Variants in DPP10 observed in about 807,000 individuals in gnomAD.
DPP10 encodes inactive dipeptidyl peptidase 10.
DPP10 carries 33 observed loss-of-function variants against 120.9 expected under a neutral mutation model. The observed-to-expected ratio is 0.27, with a 90% CI of 0.21 to 0.37. The LOEUF is 0.37. DPP10 is among the 10% of genes least tolerant of loss of function. The pLI, the probability that DPP10 is intolerant of heterozygous loss-of-function variation, is 1.00. For synonymous variants in DPP10, 337 were observed against 326.1 expected (o/e 1.03, Z -0.36); for missense variants, 816 against 942.8 (o/e 0.87, Z 1.76).
intron 4 of DPP10, among the ~76,000 whole-genome samples, chr2:115,525,525 AC>A (rs2078076492): frequency 6.6e-6 from 1 of 152,082 alleles, no homozygotes; most frequent in Non-Finnish European, 1.5e-5. Context: ...ATTATGACAA[AC>A]AGAATGTCAA....
intron 1 of DPP10, among the ~76,000 whole-genome samples, chr2:114,609,181 A>G (rs1288424573): frequency 6.6e-6 from 1 of 152,190 alleles, no homozygotes; most frequent in Non-Finnish European, 1.5e-5. Context: ...AAGCAGCAAG[A>G]GCCACAATGA....
At chr2:115,144,783 T>C (rs1168085999) in intron 1 of DPP10, 3 of 151,670 alleles carry the variant, frequency 2.0e-5, no homozygotes, top group Non-Finnish European at 2.9e-5. Flanking sequence ...ACCTGCACAT[T>C]GTGCACATGT....
chr2:115,722,836 T>G (rs555917644), intron 7 of DPP10, among the ~76,000 whole-genome samples: 1 of 152,150 alleles, frequency 6.6e-6, no homozygotes. Context: ...ATTACTCTAG[T>G]GGTCCAGATA....
intron 1 of DPP10, among the ~76,000 whole-genome samples, chr2:115,295,155 A>G (rs934722899): frequency 6.6e-6 from 1 of 152,054 alleles, no homozygotes; most frequent in Non-Finnish European, 1.5e-5. Flanking sequence ...TGGCTGCTCT[A>G]TTCACAAAGA....
chr2:115,518,798 G>C (rs1029392861), intron 4 of DPP10, among the ~76,000 whole-genome samples: 1 of 152,036 alleles, frequency 6.6e-6, no homozygotes, highest in Non-Finnish European at 1.5e-5. Context: ...ATTGTATAAG[G>C]CCATGGTGAG....
intron 5 of DPP10, among the ~76,000 whole-genome samples, chr2:115,630,277 G>T (rs1158120166): frequency 6.6e-6 from 1 of 152,126 alleles, no homozygotes; most frequent in Admixed American, 6.6e-5. Flanking sequence ...CTTTGGTGAA[G>T]TTGCTTATGA....
Position 115,349,483 on chromosome 2 carries a change from T to C in DPP10, c.271+5571T>C, listed in dbSNP as rs143041565. ...AAAAAGAAAAGAAAAAAACTATAAA[T>C]GAAAAGTCAAGGTCTGTAGCCTTGT... On this transcript the variant is annotated intron_variant, in intron 3 of 25. Transcript: ENST00000410059. 1.7e-3 allele frequency among the ~76,000 whole-genome samples: 258 copies of C among 152,158 alleles called. 2 individuals are homozygous for C. The highest frequency in any genetic ancestry group is 6.0e-3 in the African/African-American group (248 of 41,526).
intron 1 of DPP10, among the ~76,000 whole-genome samples, chr2:115,281,227 T>G (rs994106421): frequency 6.6e-6 from 1 of 152,178 alleles, no homozygotes; most frequent in Non-Finnish European, 1.5e-5. Flanking sequence ...TGATTTTATT[T>G]CAGAACTTGG....
rs967632127 is a variant in DPP10 at position 115,683,356 on chromosome 2, C to T, written c.442-6331C>T. On this transcript the variant is annotated intron_variant, in intron 5 of 25. Coordinates refer to ENST00000410059, the MANE Select transcript of DPP10 (RefSeq NM_020868.6). ...GGATTAGGATGGAAGAAGGGATGAACTCGTGGAACACACAGAATTTTGGGG... is the reference window on the plus strand; with the variant it reads ...GGATTAGGATGGAAGAAGGGATGAATTCGTGGAACACACAGAATTTTGGGG... Among the ~76,000 whole-genome samples, 11 of 151,884 alleles carry T rather than the reference C, an allele frequency of 7.2e-5. 1 individual carries two copies. Among genetic ancestry groups the T allele is most frequent in the East Asian group, 1.9e-4 (1 of 5,186 alleles).
At chr2:115,612,576 G>T (rs1489737857) in intron 5 of DPP10, among the ~76,000 whole-genome samples, 3 of 152,102 alleles carry the variant, frequency 2.0e-5, no homozygotes, top group African/African-American at 7.2e-5. Context: ...ATAGTGACGT[G>T]TTCTGCCAAA....
At chr2:115,329,499 C>A (rs982187247) in intron 2 of DPP10, among the ~76,000 whole-genome samples, 1 of 152,026 alleles carries the variant, frequency 6.6e-6, no homozygotes, top group African/African-American at 2.4e-5. Context: ...GGGTTTGTTA[C>A]ATATGTATAC....
At chr2:115,571,135 T>G (rs1275180322) in intron 5 of DPP10, among the ~76,000 whole-genome samples, 3 of 152,228 alleles carry the variant, frequency 2.0e-5, no homozygotes, top group African/African-American at 7.2e-5. Context: ...AGCAGAATAA[T>G]TAGATCTATG....
intron 1 of DPP10, among the ~76,000 whole-genome samples, chr2:114,764,464 A>G (rs1287012350): frequency 6.6e-6 from 1 of 152,014 alleles, no homozygotes; most frequent in Non-Finnish European, 1.5e-5. Flanking sequence ...CAGACTTTTT[A>G]TAGCATCAAA....
chr2:115,200,189 T>G (rs1364343929), intron 1 of DPP10, among the ~76,000 whole-genome samples: 1 of 152,194 alleles, frequency 6.6e-6, no homozygotes, highest in African/African-American at 2.4e-5. Flanking sequence ...GAACTCTATC[T>G]TCTCTGACAG....
intron 10 of DPP10, 151 bp from the exon 11 acceptor site, chr2:115,753,023 A>G (rs921994255): frequency 9.1e-5 from 49 of 535,798 alleles, no homozygotes; most frequent in Non-Finnish European, 1.3e-4. Flanking sequence ...GCAGATATCT[A>G]TTTATCTATC....
chr2:115,376,144 C>T (rs1387714237), intron 3 of DPP10, among the ~76,000 whole-genome samples: 1 of 152,094 alleles, frequency 6.6e-6, no homozygotes. Context: ...AACAAATATT[C>T]ATTTGTCTGC....
At chr2:115,719,016 G>A (rs1201230331) in intron 7 of DPP10, among the ~76,000 whole-genome samples, 1 of 152,206 alleles carries the variant, frequency 6.6e-6, no homozygotes, top group East Asian at 1.9e-4. Context: ...CTCGGGGCCT[G>A]TAAATATTTT....
chr2:114,739,972 A>G (rs1677861620), intron 1 of DPP10, among the ~76,000 whole-genome samples: 1 of 152,162 alleles, frequency 6.6e-6, no homozygotes, highest in African/African-American at 2.4e-5. Context: ...ATCTAGAACT[A>G]GAAATGCCAT....
intron 1 of DPP10, among the ~76,000 whole-genome samples, chr2:114,981,844 T>C (rs1700111734): frequency 6.6e-6 from 1 of 151,644 alleles, no homozygotes; most frequent in Non-Finnish European, 1.5e-5. Flanking sequence ...TGGCCTCAAA[T>C]GAGTCTTCTC....
Sources: gnomAD v4.1 joint callset for allele counts (sites outside exome capture counted in the v4.1 genomes callset) on GRCh38, gnomAD v4.1.1 for gene constraint, MANE v1.5 for transcripts, NCBI Gene and HGNC (gene_info 2026-07-23, HGNC 2026-07-21) for gene names.